MYO5B: variants seen among roughly 807,000 people sequenced by gnomAD.
The protein encoded by MYO5B is myosin VB.
In MYO5B, 143 loss-of-function variants were observed where a neutral mutation model predicts 229.3. The ratio of observed to expected loss-of-function variants is 0.62; its 90% CI spans 0.54 to 0.72. MYO5B has a LOEUF of 0.72. Ranked by LOEUF, MYO5B falls within the 30% of genes least tolerant of loss-of-function variation. MYO5B has a pLI of 0.00. For missense variants in MYO5B, 2,321 were observed against 2,331.0 expected (o/e 1.00, Z 0.09); for synonymous variants, 918 against 885.2 (o/e 1.04, Z -0.66).
At chr18:49,928,327 A>G (rs1224151952) in intron 17 of MYO5B, among the ~76,000 whole-genome samples, 1 of 152,218 alleles carries the variant, frequency 6.6e-6, no homozygotes, top group Non-Finnish European at 1.5e-5. Flanking sequence ...CAGTGTGGAT[A>G]TTCCTTAAAG....
chr18:49,953,023 A>G (rs1025981252), intron 14 of MYO5B, among the ~76,000 whole-genome samples: 1 of 150,218 alleles, frequency 6.7e-6, no homozygotes, highest in African/African-American at 2.5e-5. Flanking sequence ...CTACCCCTAC[A>G]CTCCTTGCTT....
intron 21 of MYO5B, among the ~76,000 whole-genome samples, chr18:49,897,264 G>A (rs1703725661): frequency 6.6e-6 from 1 of 152,220 alleles, no homozygotes; most frequent in South Asian, 2.1e-4. Context: ...GGCATGGGGT[G>A]CCCACACCCT....
intron 27 of MYO5B, among the ~76,000 whole-genome samples, chr18:49,868,549 G>A (rs1032547275): frequency 1.3e-5 from 2 of 152,208 alleles, no homozygotes; most frequent in Non-Finnish European, 2.9e-5. Flanking sequence ...CAACACTGCT[G>A]CTGGCCGTAA....
chr18:49,953,621 C>T (rs899081906), intron 13 of MYO5B, among the ~76,000 whole-genome samples: 1 of 152,186 alleles, frequency 6.6e-6, no homozygotes. Flanking sequence ...ACACCTCACA[C>T]CCAATGAATC....
At chr18:49,901,513 G>A (rs2024841307) in intron 21 of MYO5B, among the ~76,000 whole-genome samples, 1 of 152,192 alleles carries the variant, frequency 6.6e-6, no homozygotes, top group Non-Finnish European at 1.5e-5. Context: ...AAAAATAAGA[G>A]TGCTAACCAT....
At chr18:50,104,265 G>GAT (rs3075606) in intron 1 of MYO5B, among the ~76,000 whole-genome samples, 35,715 of 134,146 alleles carry the variant, frequency 0.27, 5,057 homozygotes, top group Admixed American at 0.36. Flanking sequence ...ATCTATACAT[G>GAT]ATATATATAT....
intron 18 of MYO5B, among the ~76,000 whole-genome samples, chr18:49,909,157 G>T (rs2144155684): frequency 6.6e-6 from 1 of 152,328 alleles, no homozygotes; most frequent in African/African-American, 2.4e-5. Context: ...ACGCAGCTCT[G>T]TCAAGTCTTA....
At chr18:50,094,063 T>C (rs2031502954) in intron 1 of MYO5B, among the ~76,000 whole-genome samples, 1 of 152,258 alleles carries the variant, frequency 6.6e-6, no homozygotes, top group African/African-American at 2.4e-5. Flanking sequence ...CATTTTACTC[T>C]AGATTCGCCT....
chr18:49,841,375 C>T lies in MYO5B; in HGVS notation c.4691G>A (p.Ser1564Asn). Residue 1564 changes from serine (S) to asparagine (N), a missense_variant, in exon 35 of 40, where the codon AGC becomes AAC. Ser to Asn is a conservative substitution (Grantham distance 46). Coordinates refer to ENST00000285039, the MANE Select transcript of MYO5B (RefSeq NM_001080467.3). ...TGGCTCCCCACTCACCTCATCCCCG[C>T]TGTACTGCTTCAGACAGTGAAGAAG... The part of the protein sequence containing the change: ...CRLLHCLKQY[S>N]GDEGFMTQNT... The T allele has an allele frequency of 6.2e-7, 1 of 1,614,204 alleles. No individual in the cohort carries two copies. Among genetic ancestry groups the T allele is most frequent in the Non-Finnish European group, 8.5e-7 (1 of 1,180,012 alleles).
At chr18:49,936,225 A>T (rs2025248131) in intron 16 of MYO5B, 27 bp downstream of exon 16, 1 of 1,547,804 alleles carries the variant, frequency 6.5e-7, no homozygotes, top group African/African-American at 1.4e-5. Context: ...GCTGGGCTGG[A>T]CAGGCTAATG....
At chr18:50,076,530 C>A (rs1366792698) in intron 1 of MYO5B, among the ~76,000 whole-genome samples, 1 of 152,202 alleles carries the variant, frequency 6.6e-6, no homozygotes, top group African/African-American at 2.4e-5. Flanking sequence ...TCAGGACACA[C>A]CGGCATCCAT....
chr18:49,943,888 C>G (rs1031107882), intron 14 of MYO5B, among the ~76,000 whole-genome samples: 4 of 152,090 alleles, frequency 2.6e-5, no homozygotes, highest in African/African-American at 9.7e-5. Context: ...ACAGGATTCT[C>G]TTAGGGAGGG....
chr18:50,190,766 T>G (rs1511154), intron 1 of MYO5B, among the ~76,000 whole-genome samples: 61,197 of 152,136 alleles, frequency 0.4, 13,153 homozygotes, highest in East Asian at 0.53. Flanking sequence ...TACTGAACAG[T>G]ATTTAATACA....
At chr18:49,863,552 G>C (rs2024357627) in intron 28 of MYO5B, among the ~76,000 whole-genome samples, 1 of 152,154 alleles carries the variant, frequency 6.6e-6, no homozygotes, top group Non-Finnish European at 1.5e-5. Context: ...GTGGGGCGGT[G>C]GGGGAAGATG....
At chr18:50,044,136 T>C (rs2030153318) in intron 2 of MYO5B, among the ~76,000 whole-genome samples, 3 of 152,090 alleles carry the variant, frequency 2.0e-5, no homozygotes, top group South Asian at 2.1e-4. Context: ...TCAGTAAAAC[T>C]GATAAGGAGT....
chr18:49,941,255 C>G (rs555114704), intron 14 of MYO5B, among the ~76,000 whole-genome samples: 9 of 152,322 alleles, frequency 5.9e-5, no homozygotes, highest in African/African-American at 2.2e-4. Context: ...TTCCTTAGTT[C>G]CCTGGCCTGG....
chr18:50,077,966 A>G (rs996805537), intron 1 of MYO5B, among the ~76,000 whole-genome samples: 1 of 152,212 alleles, frequency 6.6e-6, no homozygotes, highest in African/African-American at 2.4e-5. Context: ...GAAAAGACAT[A>G]TATTAGCACA....
intron 17 of MYO5B, among the ~76,000 whole-genome samples, chr18:49,920,539 C>T (rs1291110566): frequency 6.6e-6 from 1 of 152,056 alleles, no homozygotes; most frequent in Non-Finnish European, 1.5e-5. Context: ...CATTAGTGGC[C>T]CTAGATCTGA....
At position 50,194,827 on chromosome 18, in the gene MYO5B, C is replaced by A; in HGVS notation, c.-34G>T. On this transcript the variant is annotated 5_prime_UTR_variant, in exon 1 of 40. In the 5' UTR this introduces an upstream ATG that the reference lacks. Coordinates refer to ENST00000285039, the MANE Select transcript of MYO5B (RefSeq NM_001080467.3). ...CCGGGCGGGGCTCGGGCCCCGGCTC[C>A]TGGCTGCCCCGCGGCTCTCAGTCCG... The A allele has an allele frequency of 7.7e-7, 1 of 1,300,730 alleles. No homozygotes were observed. The highest frequency in any genetic ancestry group is 2.3e-5 in the South Asian group (1 of 42,788). The allele number at this position is 1,300,730 out of a possible 1,614,324, so 80.6% of individuals were successfully genotyped here.
Sources: allele counts gnomAD v4.1 joint callset (sites outside exome capture counted in the v4.1 genomes callset), GRCh38; gene constraint gnomAD v4.1.1; transcripts MANE v1.5; gene names NCBI Gene and HGNC (gene_info 2026-07-23, HGNC 2026-07-21).